TPR: variants seen among roughly 807,000 people sequenced by gnomAD.
The protein encoded by TPR is nucleoprotein TPR.
A neutral mutation model predicts 316.1 loss-of-function variants in TPR; 51 were observed. That is an observed-to-expected ratio of 0.16 (90% confidence interval 0.13 to 0.20). The LOEUF is 0.20. TPR is among the 10% of genes least tolerant of loss of function. TPR has a pLI of 1.00. For missense variants in TPR, 2,272 were observed against 2,754.8 expected (o/e 0.82, Z 3.92); for synonymous variants, 981 against 914.7 (o/e 1.07, Z -1.31).
rs750413951 is a variant in TPR at position 186,313,964 on chromosome 1, A to T, written c.*7T>A. On this transcript the variant is annotated 3_prime_UTR_variant, in exon 51 of 51. Transcript: ENST00000367478. ...CTTATTCACAGTTGTTATTGTTTAC[A>T]GACCATTTAATTAATATTTCCTCTG... 1 of 1,611,008 alleles carries T rather than the reference A, an allele frequency of 6.2e-7. No individual in the cohort carries two copies. The highest frequency in any genetic ancestry group is 1.7e-5 in the Admixed American group (1 of 60,002).
rs559035406 is a variant in TPR, at chr1:186,356,623, C to T, written c.1725-174G>A. On this transcript the variant is annotated intron_variant, in intron 14 of 50. Coordinates refer to ENST00000367478, the MANE Select transcript of TPR (RefSeq NM_003292.3). ...AACTACTTTTTAAATCCCCACCACA[C>T]AGGACTCAGGTACTTATACTTACCA... 22 of 587,174 alleles carry T rather than the reference C, an allele frequency of 3.7e-5. No homozygotes were observed. In the South Asian group the frequency reaches 5.8e-4, roughly 15 times the overall value. The allele number at this position is 587,174 out of a possible 1,614,324, so 36.4% of individuals were successfully genotyped here.
intron 30 of TPR, 127 bp downstream of exon 30, chr1:186,339,515 C>G (rs1658444320): frequency 1.5e-6 from 1 of 653,198 alleles, no homozygotes; most frequent in South Asian, 5.1e-5. Flanking sequence ...AGATGGAAGT[C>G]AGATATAGGT....
At chr1:186,329,514 C>A (rs1408701766) in intron 39 of TPR, among the ~76,000 whole-genome samples, 2 of 152,076 alleles carry the variant, frequency 1.3e-5, no homozygotes, top group Non-Finnish European at 2.9e-5. Flanking sequence ...ATACACACAG[C>A]CTGAAGTTAA....
rs61369492 is a variant in TPR, at chr1:186,365,102, C to CTTT, written c.428-1660_428-1658dup. Among the ~76,000 whole-genome samples, 22 of 137,186 alleles carry CTTT rather than the reference C, an allele frequency of 1.6e-4. 5 individuals are homozygous for CTTT. Among genetic ancestry groups the CTTT allele is most frequent in the Non-Finnish European group, 1.6e-4 (10 of 64,484 alleles). 90.0% of individuals were successfully genotyped at this position (137,186 alleles called of 152,430 possible). On this transcript the variant is annotated intron_variant, in intron 4 of 50. Transcript: ENST00000367478. ...GTACCTTGCTAGTAAAGGGGCTGCC[C>CTTT]TTTTTTTTTTTTGGAGACAGTCTCG...
intron 42 of TPR, 37 bp downstream of exon 42, chr1:186,325,727 A>G (rs754172999): frequency 6.5e-7 from 1 of 1,527,002 alleles, no homozygotes; most frequent in Admixed American, 1.7e-5. Context: ...AAAATACCAG[A>G]GATATTCAAT....
intron 39 of TPR, among the ~76,000 whole-genome samples, chr1:186,328,553 G>GA (rs938972163): frequency 3.4e-5 from 5 of 146,594 alleles, no homozygotes; most frequent in Non-Finnish European, 3.0e-5. Context: ...AGTCAGAAAA[G>GA]AAAAAAAAAA....
In TPR at chr1:186,314,551, G is replaced by C. The variant is rs2102045039; in HGVS notation, c.7036+78C>G. ...GGAACATTAAAAAAATAAATTGGAGGCTTAAGGATTAGAAAACTTGTTCCA... is the reference window on the plus strand; with the variant it reads ...GGAACATTAAAAAAATAAATTGGAGCCTTAAGGATTAGAAAACTTGTTCCA... On this transcript the variant is annotated intron_variant, in intron 50 of 50. Transcript: ENST00000367478. 4.6e-6 allele frequency: 5 copies of C among 1,098,564 alleles called. No homozygotes were observed. In the South Asian group the frequency reaches 6.5e-5, roughly 14 times the overall value. The allele number at this position is 1,098,564 out of a possible 1,614,324, so 68.1% of individuals were successfully genotyped here.
intron 3 of TPR, among the ~76,000 whole-genome samples, chr1:186,369,296 C>G (rs1571642024): frequency 6.6e-6 from 1 of 152,000 alleles, no homozygotes; most frequent in Middle Eastern, 3.4e-3. Flanking sequence ...GCGAAGAATG[C>G]CTTTGGAATT....
intron 7 of TPR, among the ~76,000 whole-genome samples, 160 bp from the exon 8 acceptor site, chr1:186,362,029 T>C (rs1055227296): frequency 6.6e-6 from 1 of 151,974 alleles, no homozygotes; most frequent in African/African-American, 2.4e-5. Context: ...AAGGATAAAA[T>C]ATTACTAATA....
chr1:186,316,353 C>T (rs970294635), intron 49 of TPR, among the ~76,000 whole-genome samples: 4 of 152,060 alleles, frequency 2.6e-5, no homozygotes, highest in Non-Finnish European at 4.4e-5. Context: ...AGATATGAAA[C>T]GGTAGATATT....
chr1:186,317,205 C>T (rs1219648654), intron 49 of TPR, among the ~76,000 whole-genome samples: 1 of 152,226 alleles, frequency 6.6e-6, no homozygotes, highest in Non-Finnish European at 1.5e-5. Flanking sequence ...CTCTACAAAA[C>T]ATATGTTGAC....
In TPR at chr1:186,353,629, A is replaced by C. The variant is rs1365009762; in HGVS notation, c.2334+59T>G. On this transcript the variant is annotated intron_variant, in intron 18 of 50. Transcript: ENST00000367478. ...TCAGTGAGTAAAATTCAAAGTAAAA[A>C]CTAAAGAAATGTCAAATGCAACTTA... The C allele has an allele frequency of 5.8e-6, 9 of 1,563,210 alleles. No homozygotes were observed. In the East Asian group the frequency reaches 1.8e-4, roughly 31 times the overall value.
chr1:186,368,155 T>C (rs966676668), intron 3 of TPR, among the ~76,000 whole-genome samples, 173 bp from the exon 4 acceptor site: 9 of 152,224 alleles, frequency 5.9e-5, no homozygotes, highest in African/African-American at 2.2e-4. Flanking sequence ...TATTTAAATT[T>C]TGGATTTTTA....
chr1:186,323,938 G>C, intron 42 of TPR, 68 bp from the exon 43 acceptor site: 1 of 1,442,664 alleles, frequency 6.9e-7, no homozygotes, highest in Admixed American at 2.7e-5. Flanking sequence ...ACAATCCCTA[G>C]AAGTATAAAT....
chr1:186,311,732 T>TA lies in TPR; in HGVS notation c.*2238_*2239insT. The stretch of plus-strand genomic sequence containing the variant: ...ATATTTTCAGTGAAAAAAATCAATA[T>TA]TGAGGGTAGTATTCTTATTGCCCTC... On this transcript the variant is annotated 3_prime_UTR_variant, in exon 51 of 51. Coordinates refer to ENST00000367478, the MANE Select transcript of TPR (RefSeq NM_003292.3). 1.1e-6 allele frequency: 1 copy of TA among 942,928 alleles called. No individual in the cohort carries two copies. The highest frequency in any genetic ancestry group is 1.6e-6 in the Non-Finnish European group (1 of 623,274). The allele number at this position is 942,928 out of a possible 1,614,324, so 58.4% of individuals were successfully genotyped here.
intron 3 of TPR, 106 bp downstream of exon 3, chr1:186,370,864 C>T (rs1272270003): frequency 7.8e-6 from 7 of 892,358 alleles, no homozygotes; most frequent in East Asian, 5.1e-5. Flanking sequence ...CCTAATAGGA[C>T]ATCAGTTACA....
At chr1:186,360,516 T>C in intron 10 of TPR, 152 bp from the exon 11 acceptor site, 1 of 951,728 alleles carries the variant, frequency 1.1e-6, no homozygotes, top group Non-Finnish European at 1.5e-6. Flanking sequence ...ATGTAACACA[T>C]CTAATTCTAA....
intron 21 of TPR, among the ~76,000 whole-genome samples, chr1:186,348,184 C>T (rs549178029): frequency 1.3e-5 from 2 of 152,202 alleles, no homozygotes; most frequent in East Asian, 1.9e-4. Flanking sequence ...GGAGAGATAT[C>T]GCTAAATTCT....
intron 43 of TPR, among the ~76,000 whole-genome samples, chr1:186,323,172 C>T (rs1213786869): frequency 6.6e-6 from 1 of 152,080 alleles, no homozygotes; most frequent in African/African-American, 2.4e-5. Flanking sequence ...TTTCCAAGTG[C>T]TTCTGATTAA....
Sources: gnomAD v4.1 joint callset for allele counts (sites outside exome capture counted in the v4.1 genomes callset) on GRCh38, gnomAD v4.1.1 for gene constraint, MANE v1.5 for transcripts, NCBI Gene and HGNC (gene_info 2026-07-23, HGNC 2026-07-21) for gene names.